The following BBS9 variants were observed in gnomAD, a reference collection of about 807,000 sequenced individuals.
BBS9 encodes Bardet-Biedl syndrome 9, also known as protein PTHB1.
In BBS9, 89 loss-of-function variants were observed where a neutral mutation model predicts 117.7. That is an observed-to-expected ratio of 0.76 (90% CI 0.64 to 0.90). BBS9 has a LOEUF of 0.90. BBS9 is among the 40% of genes least tolerant of loss of function. The probability of loss-of-function intolerance (pLI) is 0.00; values close to 1 mark genes in which losing one functional copy is unlikely to be tolerated. For synonymous variants in BBS9, 379 were observed against 370.9 expected (o/e 1.02, Z -0.25); for missense variants, 982 against 1,042.2 (o/e 0.94, Z 0.80).
intron 5 of BBS9, among the ~76,000 whole-genome samples, chr7:33,219,324 C>G (rs527655983): frequency 2.0e-5 from 3 of 152,230 alleles, no homozygotes; most frequent in African/African-American, 7.2e-5. Flanking sequence ...CCACCGCGGC[C>G]GGTCCCATCG....
At chr7:33,442,563 T>A (rs191112440) in intron 19 of BBS9, among the ~76,000 whole-genome samples, 1 of 152,330 alleles carries the variant, frequency 6.6e-6, no homozygotes, top group Admixed American at 6.5e-5. Flanking sequence ...AATAGTAAGC[T>A]AAAGTTTTAC....
intron 19 of BBS9, among the ~76,000 whole-genome samples, chr7:33,413,663 A>C (rs1259738638): frequency 6.6e-6 from 1 of 152,162 alleles, no homozygotes; most frequent in Admixed American, 6.5e-5. Context: ...TAAAAAAAAA[A>C]CAGAATGTGG....
rs528469583 is a variant in BBS9 at position 33,518,363 on chromosome 7, G to A, written c.2298+12718G>A. Among the ~76,000 whole-genome samples, 9 of 145,960 alleles carry A rather than the reference G, an allele frequency of 6.2e-5. No homozygotes were observed. In the South Asian group the frequency reaches 1.9e-3, roughly 31 times the overall value. ...CCTCCCGGGTTCAAACGATTCTCCTGCCTCAGCCTCCCGAGTAGCTGGGAT... is the reference window on the plus strand; with the variant it reads ...CCTCCCGGGTTCAAACGATTCTCCTACCTCAGCCTCCCGAGTAGCTGGGAT... On this transcript the variant is annotated intron_variant, in intron 20 of 22. Coordinates refer to ENST00000242067, the MANE Select transcript of BBS9 (RefSeq NM_198428.3).
chr7:33,332,104 C>T (rs1168500083), intron 9 of BBS9, among the ~76,000 whole-genome samples: 2 of 150,964 alleles, frequency 1.3e-5, no homozygotes, highest in Non-Finnish European at 3.0e-5. Context: ...TAAAAACGGG[C>T]ACATAGACCA....
chr7:33,147,499 C>A (rs918174323), intron 2 of BBS9, among the ~76,000 whole-genome samples: 1 of 151,994 alleles, frequency 6.6e-6, no homozygotes, highest in African/African-American at 2.4e-5. Context: ...AAAATTTGGT[C>A]CCTGATTTTC....
At chr7:33,555,100 G>A (rs1855089738) in intron 21 of BBS9, among the ~76,000 whole-genome samples, 1 of 152,082 alleles carries the variant, frequency 6.6e-6, no homozygotes, top group African/African-American at 2.4e-5. Flanking sequence ...AACCTGTGTT[G>A]CTAACTTTTT....
In BBS9 at chr7:33,411,116, G is replaced by C. The variant is rs182786529; in HGVS notation, c.2115+22972G>C. On this transcript the variant is annotated intron_variant, in intron 19 of 22. Coordinates refer to ENST00000242067, the MANE Select transcript of BBS9 (RefSeq NM_198428.3). Reference sequence around the variant, plus strand: ...CAGAAATGCAGCCTTCTTTTAGCCGGAAAGGATGCCTGGAACATGTGGATA... The same window carrying C: ...CAGAAATGCAGCCTTCTTTTAGCCGCAAAGGATGCCTGGAACATGTGGATA... 5.9e-3 allele frequency among the ~76,000 whole-genome samples: 892 copies of C among 151,054 alleles called. 6 individuals are homozygous for C. Among genetic ancestry groups the C allele is most frequent in the Middle Eastern group, 0.017 (5 of 292 alleles).
chr7:33,565,684 A>G (rs922087619), intron 21 of BBS9, among the ~76,000 whole-genome samples: 13 of 150,024 alleles, frequency 8.7e-5, no homozygotes, highest in African/African-American at 3.2e-4. Context: ...TTAACAGTCT[A>G]TCTTCAGGTC....
intron 17 of BBS9, among the ~76,000 whole-genome samples, chr7:33,377,753 A>G (rs1161588827): frequency 6.6e-6 from 1 of 151,908 alleles, no homozygotes; most frequent in Non-Finnish European, 1.5e-5. Context: ...CTTGTTAATT[A>G]TATTTCTAGA....
intron 10 of BBS9, among the ~76,000 whole-genome samples, chr7:33,338,048 C>G (rs933877818): frequency 1.3e-5 from 2 of 151,972 alleles, no homozygotes; most frequent in Admixed American, 1.3e-4. Flanking sequence ...TTTTACTTGT[C>G]ATTACCTTGA....
downstream of BBS9, among the ~76,000 whole-genome samples, chr7:33,610,446 C>T (rs558988746): frequency 1.1e-4 from 17 of 152,186 alleles, no homozygotes; most frequent in African/African-American, 3.6e-4. Flanking sequence ...TCCAAGACGG[C>T]GCCTTGCATT....
At chr7:33,281,922 C>T (rs1395761898) in intron 9 of BBS9, among the ~76,000 whole-genome samples, 1 of 151,896 alleles carries the variant, frequency 6.6e-6, no homozygotes, top group Non-Finnish European at 1.5e-5. Context: ...GCAAGCAATC[C>T]TCCCACCTCA....
At chr7:33,141,165 A>G (rs1339683926) in intron 1 of BBS9, among the ~76,000 whole-genome samples, 7 of 151,992 alleles carry the variant, frequency 4.6e-5, no homozygotes, top group Admixed American at 6.6e-5. Context: ...GTTCACGCCT[A>G]TAATTCCACC....
At chr7:33,577,957 C>G (rs551298241) in intron 21 of BBS9, among the ~76,000 whole-genome samples, 10 of 152,144 alleles carry the variant, frequency 6.6e-5, no homozygotes, top group African/African-American at 2.2e-4. Flanking sequence ...ATGTAAATGA[C>G]GAGTTGATGG....
intron 21 of BBS9, among the ~76,000 whole-genome samples, chr7:33,577,690 G>A (rs1178907459): frequency 6.6e-6 from 1 of 152,072 alleles, no homozygotes; most frequent in African/African-American, 2.4e-5. Flanking sequence ...AAGAAAATGT[G>A]GCACATATAC....
At chr7:33,260,522 A>G (rs1797807987) in intron 6 of BBS9, among the ~76,000 whole-genome samples, 1 of 152,154 alleles carries the variant, frequency 6.6e-6, no homozygotes, top group Non-Finnish European at 1.5e-5. Context: ...TTGCATTATC[A>G]GGTTCTTGAG....
At chr7:33,515,457 TTTC>T (rs1847617190) in intron 20 of BBS9, among the ~76,000 whole-genome samples, 1 of 152,204 alleles carries the variant, frequency 6.6e-6, no homozygotes, top group Non-Finnish European at 1.5e-5. Flanking sequence ...GCCTTCATGA[TTTC>T]TTTTTTCTGA....
At position 33,568,645 on chromosome 7, in the gene BBS9, T is replaced by C. The variant is rs78564833; in HGVS notation, c.2521+34469T>C. Among the ~76,000 whole-genome samples, 213 of 152,346 alleles carry C rather than the reference T, an allele frequency of 1.4e-3. 2 individuals carry two copies. In the East Asian group the frequency reaches 0.034, roughly 24 times the overall value. On this transcript the variant is annotated intron_variant, in intron 21 of 22. Transcript: ENST00000242067. ...CATAGTGGTTTTGCCAATGTCATCA[T>C]GTATCATATCTTCTCTTATTTTCAG...
chr7:33,348,760 G>A (rs1818069009), intron 12 of BBS9, among the ~76,000 whole-genome samples: 1 of 151,988 alleles, frequency 6.6e-6, no homozygotes, highest in Non-Finnish European at 1.5e-5. Context: ...CATTTTATTG[G>A]GTACGTAGTA....
Sources: gnomAD v4.1 joint callset for allele counts (sites outside exome capture counted in the v4.1 genomes callset) on GRCh38, gnomAD v4.1.1 for gene constraint, MANE v1.5 for transcripts, NCBI Gene and HGNC (gene_info 2026-07-23, HGNC 2026-07-21) for gene names.